Variants in MYO6 observed in about 807,000 individuals in gnomAD.
MYO6 encodes the protein myosin VI.
Under a neutral mutation model 178.7 loss-of-function variants are expected in MYO6, and 74 were observed. That is an observed-to-expected ratio of 0.41 (90% confidence interval 0.34 to 0.50). The LOEUF is 0.50. Ranked by LOEUF, MYO6 falls within the 20% of genes least tolerant of loss-of-function variation. MYO6 has a pLI of 0.09. For synonymous variants in MYO6, 477 were observed against 504.6 expected (o/e 0.95, Z 0.73); for missense variants, 1,330 against 1,547.4 (o/e 0.86, Z 2.36).
chr6:75,905,724 C>T (rs889753570), intron 30 of MYO6, among the ~76,000 whole-genome samples: 9 of 152,344 alleles, frequency 5.9e-5, no homozygotes, highest in African/African-American at 2.2e-4. Flanking sequence ...TGTTCCTATT[C>T]GGCCATCTTG....
At chr6:75,759,054 G>T (rs753388288) in intron 1 of MYO6, among the ~76,000 whole-genome samples, 50 of 151,840 alleles carry the variant, frequency 3.3e-4, no homozygotes, top group Non-Finnish European at 5.9e-4. Flanking sequence ...ATTTTTAGTG[G>T]AGACGGGGTT....
At position 75,794,758 on chromosome 6, in the gene MYO6, AAAT is replaced by A. The variant is rs1403933111; in HGVS notation, c.-47-22740_-47-22738del. 1.1e-3 allele frequency among the ~76,000 whole-genome samples: 151 copies of A among 141,938 alleles called. 2 individuals are homozygous for A. Among genetic ancestry groups the A allele is most frequent in the African/African-American group, 4.2e-3 (145 of 34,796 alleles). The allele number at this position is 141,938 out of a possible 152,430, so 93.1% of individuals were successfully genotyped here. On this transcript the variant is annotated intron_variant, in intron 1 of 34. Transcript: ENST00000369977. The stretch of plus-strand genomic sequence containing the variant: ...AAAAAAATAAAAAAAATAAAAAAAA[AAAT>A]AAAATGTGCTCTTTTATCACCTAAT...
At chr6:75,854,613 C>G (rs1775579466) in intron 11 of MYO6, among the ~76,000 whole-genome samples, 1 of 152,050 alleles carries the variant, frequency 6.6e-6, no homozygotes, top group Non-Finnish European at 1.5e-5. Context: ...TCAGCCTGTA[C>G]AGGTAATAGT....
intron 3 of MYO6, among the ~76,000 whole-genome samples, chr6:75,825,424 C>T (rs1772361843): frequency 6.6e-6 from 1 of 152,130 alleles, no homozygotes; most frequent in Non-Finnish European, 1.5e-5. Context: ...GAAACCCTGT[C>T]TCTACTAAAA....
At chr6:75,844,863 A>C (rs774125585) in intron 9 of MYO6, 34 bp from the exon 10 acceptor site, 1 of 1,509,290 alleles carries the variant, frequency 6.6e-7, no homozygotes, top group African/African-American at 1.4e-5. Flanking sequence ...TGTGGATCAT[A>C]TATGTTAATT....
At position 75,758,874 on chromosome 6, in the gene MYO6, CT is replaced by C. The variant is rs112712452; in HGVS notation, c.-48+9464del. The stretch of plus-strand genomic sequence containing the variant: ...TGTATAAATACATGTTTGTATAGAT[CT>C]TTTTTTTTTTTTGAGATGTAGTCTC... On this transcript the variant is annotated intron_variant, in intron 1 of 34. Transcript: ENST00000369977. Among the ~76,000 whole-genome samples, 554 of 141,500 alleles carry C rather than the reference CT, an allele frequency of 3.9e-3. 1 individual carries two copies. The highest frequency in any genetic ancestry group is 7.4e-3 in the African/African-American group (288 of 38,794). The allele number at this position is 141,500 out of a possible 152,430, so 92.8% of individuals were successfully genotyped here. A position where few individuals can be genotyped will look rare whatever the true frequency, so the allele number is the denominator to read the frequency against.
chr6:75,889,192 T>TA (rs1778704434), intron 25 of MYO6, among the ~76,000 whole-genome samples: 1 of 152,138 alleles, frequency 6.6e-6, no homozygotes, highest in East Asian at 1.9e-4. Flanking sequence ...ATGCTATAAA[T>TA]AGACTCAGCT....
intron 28 of MYO6, among the ~76,000 whole-genome samples, chr6:75,893,721 G>A (rs1779083234): frequency 6.6e-6 from 1 of 152,144 alleles, no homozygotes; most frequent in Non-Finnish European, 1.5e-5. Flanking sequence ...GGGGAGCTCT[G>A]GGACTGCTTG....
chr6:75,833,047 CA>C, intron 6 of MYO6, 100 bp downstream of exon 6: 11 of 794,678 alleles, frequency 1.4e-5, no homozygotes, highest in Non-Finnish European at 2.2e-5. Flanking sequence ...AATGCAGTGT[CA>C]CCACCACAGC....
intron 28 of MYO6, among the ~76,000 whole-genome samples, chr6:75,894,435 G>T (rs1304081319): frequency 6.6e-6 from 1 of 152,180 alleles, no homozygotes; most frequent in Non-Finnish European, 1.5e-5. Context: ...TATGAAGAAT[G>T]CCCTTCAAAT....
chr6:75,859,669 TTTTTTTTTTTTTTTTTGAG>T (rs1451864074), intron 14 of MYO6, among the ~76,000 whole-genome samples: 1 of 143,400 alleles, frequency 7.0e-6, no homozygotes, highest in Non-Finnish European at 1.5e-5. Context: ...CTCCCACTCT[TTTTTTTTTTTTTTTTTGAG>T]ACGAAGTCTT....
rs191527127 is a variant in MYO6 at position 75,887,701 on chromosome 6, C to T, written c.2658+707C>T. Among the ~76,000 whole-genome samples the T allele has an allele frequency of 3.3e-3, 463 of 139,562 alleles. 4 individuals are homozygous for T. Among genetic ancestry groups the T allele is most frequent in the Non-Finnish European group, 4.3e-3 (277 of 64,322 alleles). The allele number at this position is 139,562 out of a possible 152,430, so 91.6% of individuals were successfully genotyped here. On this transcript the variant is annotated intron_variant, in intron 25 of 34. Coordinates refer to ENST00000369977, the MANE Select transcript of MYO6 (RefSeq NM_004999.4). The stretch of plus-strand genomic sequence containing the variant: ...GGAGCAAAAAGAAAATGGCCGGGCA[C>T]GGTGGGTCACGCCTGTAATCCCAGC...
intron 1 of MYO6, among the ~76,000 whole-genome samples, chr6:75,806,762 G>T (rs1770136990): frequency 6.6e-6 from 1 of 152,176 alleles, no homozygotes; most frequent in Non-Finnish European, 1.5e-5. Context: ...CTTTATTTAG[G>T]CCCATCCTAT....
At chr6:75,757,659 G>GT (rs1554190025) in intron 1 of MYO6, among the ~76,000 whole-genome samples, 1 of 151,924 alleles carries the variant, frequency 6.6e-6, no homozygotes, top group African/African-American at 2.4e-5. Context: ...CAGCTCCTGG[G>GT]TAAGAGGATA....
At chr6:75,867,462 G>A (rs1431522817) in intron 18 of MYO6, 2 of 221,352 alleles carry the variant, frequency 9.0e-6, no homozygotes, top group Admixed American at 5.4e-5. Context: ...AGTCCAGCTC[G>A]GGATGGCTAG....
chr6:75,821,161 T>C (rs919554576), intron 2 of MYO6, among the ~76,000 whole-genome samples: 1 of 152,142 alleles, frequency 6.6e-6, no homozygotes, highest in Non-Finnish European at 1.5e-5. Flanking sequence ...TGCTCTTAAC[T>C]TTCTCATTCC....
intron 23 of MYO6, among the ~76,000 whole-genome samples, chr6:75,885,697 T>C (rs1338865239): frequency 3.3e-5 from 5 of 151,994 alleles, no homozygotes; most frequent in African/African-American, 1.2e-4. Context: ...CCGCCCGCCT[T>C]GGCCTCCCGA....
chr6:75,871,708 T>C (rs943527443), intron 19 of MYO6, among the ~76,000 whole-genome samples: 1 of 152,186 alleles, frequency 6.6e-6, no homozygotes, highest in African/African-American at 2.4e-5. Flanking sequence ...CTTAAGGCCA[T>C]GTATATTTAA....
intron 6 of MYO6, among the ~76,000 whole-genome samples, chr6:75,833,977 G>A (rs1481899817): frequency 3.9e-5 from 6 of 152,192 alleles, no homozygotes; most frequent in Non-Finnish European, 5.9e-5. Flanking sequence ...TTATTCACAC[G>A]AGGATCTTGG....
Sources: gnomAD v4.1 joint callset for allele counts (sites outside exome capture counted in the v4.1 genomes callset) on GRCh38, gnomAD v4.1.1 for gene constraint, MANE v1.5 for transcripts, NCBI Gene and HGNC (gene_info 2026-07-23, HGNC 2026-07-21) for gene names.